The following ARFGAP3 variants were observed in gnomAD, a reference collection of about 807,000 sequenced individuals.
The protein encoded by ARFGAP3 is ARF GTPase activating protein 3, also known as ADP-ribosylation factor GTPase-activating protein 3.
A neutral mutation model predicts 75.0 loss-of-function variants in ARFGAP3; 72 were observed. That is an observed-to-expected ratio of 0.96 (90% CI 0.79 to 1.17). ARFGAP3 has a LOEUF of 1.17. Ranked by LOEUF, ARFGAP3 falls within the 50% of genes most tolerant of loss-of-function variation. The pLI is 0.00. For synonymous variants in ARFGAP3, 221 were observed against 217.9 expected (o/e 1.01, Z -0.13); for missense variants, 620 against 626.6 (o/e 0.99, Z 0.11).
intron 6 of ARFGAP3, among the ~76,000 whole-genome samples, chr22:42,828,201 T>C (rs1032629732): frequency 6.6e-6 from 1 of 151,364 alleles, no homozygotes; most frequent in Non-Finnish European, 1.5e-5. Context: ...GGGGGACGCA[T>C]CATGAGGTCA....
rs377380859 is a variant in ARFGAP3, at chr22:42,799,069, G to A, written c.1503C>T (p.Val501=). The A allele has an allele frequency of 3.1e-6, 5 of 1,614,064 alleles. No individual in the cohort carries two copies. Among genetic ancestry groups the A allele is most frequent in the Non-Finnish European group, 8.5e-7 (1 of 1,180,046 alleles). ...TTGAAGTCACGACTCCATTAGCAAA[G>A]ACGGAGAGTTTTCCAGCAACCGATC... ...GVRSVAGKLS[V]FANGVVTSIQ... The change falls in exon 15 of 16, where the codon GTC becomes GTT. Residue 501 remains valine (V), a synonymous_variant. Transcript: ENST00000263245.
chr22:42,835,241 T>C, intron 4 of ARFGAP3, 121 bp downstream of exon 4: 1 of 1,126,586 alleles, frequency 8.9e-7, no homozygotes, highest in Non-Finnish European at 1.3e-6. Context: ...AAGAATCTAC[T>C]GTACACTAAT....
At chr22:42,815,726 C>T (rs988578963) in intron 11 of ARFGAP3, among the ~76,000 whole-genome samples, 2 of 152,106 alleles carry the variant, frequency 1.3e-5, no homozygotes, top group Admixed American at 1.3e-4. Flanking sequence ...CAGTAAGCAC[C>T]GCCCATTTCC....
intron 7 of ARFGAP3, among the ~76,000 whole-genome samples, chr22:42,824,170 A>ATTT (rs57620930): frequency 1.7e-5 from 1 of 59,844 alleles, no homozygotes; most frequent in African/African-American, 7.3e-5. Flanking sequence ...ACATCTGGCT[A>ATTT]TTTTTTTTTT....
At chr22:42,845,478 A>T (rs1179467273) in intron 2 of ARFGAP3, among the ~76,000 whole-genome samples, 1 of 150,256 alleles carries the variant, frequency 6.7e-6, no homozygotes, top group Non-Finnish European at 1.5e-5. Flanking sequence ...GTGAGCCAAG[A>T]TCGTGCCACT....
intron 9 of ARFGAP3, among the ~76,000 whole-genome samples, chr22:42,819,629 G>C (rs1463301605): frequency 6.6e-6 from 1 of 152,184 alleles, no homozygotes; most frequent in African/African-American, 2.4e-5. Flanking sequence ...TTCCTACCAA[G>C]TGGGCACACA....
intron 14 of ARFGAP3, among the ~76,000 whole-genome samples, chr22:42,802,380 G>T (rs1431767440): frequency 2.0e-5 from 3 of 151,706 alleles, no homozygotes; most frequent in Non-Finnish European, 4.4e-5. Flanking sequence ...CCGCCTCCCA[G>T]GTTCACGCCA....
At chr22:42,830,698 T>A (rs1926246867) in intron 6 of ARFGAP3, among the ~76,000 whole-genome samples, 2 of 152,236 alleles carry the variant, frequency 1.3e-5, no homozygotes, top group African/African-American at 4.8e-5. Flanking sequence ...ATAAATGTAA[T>A]CCTGTAAGAA....
At chr22:42,842,977 C>A in intron 2 of ARFGAP3, among the ~76,000 whole-genome samples, 1 of 152,106 alleles carries the variant, frequency 6.6e-6, no homozygotes, top group East Asian at 1.9e-4. Context: ...CCCTGTACGG[C>A]AGGTCCTAGT....
Sources: allele counts gnomAD v4.1 joint callset (sites outside exome capture counted in the v4.1 genomes callset), GRCh38; gene constraint gnomAD v4.1.1; transcripts MANE v1.5; gene names NCBI Gene and HGNC (gene_info 2026-07-23, HGNC 2026-07-21).